Variants in TMEM117 observed in about 807,000 individuals in gnomAD.
The protein encoded by TMEM117 is transmembrane protein 117.
A neutral mutation model predicts 52.4 loss-of-function variants in TMEM117; 27 were observed. That is an observed-to-expected ratio of 0.51 (90% CI 0.38 to 0.71). The LOEUF is 0.71. Ranked by LOEUF, TMEM117 falls within the 30% of genes least tolerant of loss-of-function variation. The probability of loss-of-function intolerance (pLI) is 0.00; values close to 1 mark genes in which losing one functional copy is unlikely to be tolerated. For missense variants in TMEM117, 556 were observed against 630.5 expected, an observed-to-expected ratio of 0.88 and a Z score of 1.26; for synonymous variants, 215 against 206.3, an observed-to-expected ratio of 1.04 and a Z score of -0.36.
At chr12:44,104,820 G>T (rs1021285839) in intron 3 of TMEM117, among the ~76,000 whole-genome samples, 3 of 151,902 alleles carry the variant, frequency 2.0e-5, no homozygotes, top group South Asian at 2.1e-4. Flanking sequence ...CTTGCTGTAT[G>T]GCTTCTGAGG....
chr12:44,239,890 A>G (rs1393204217), intron 5 of TMEM117, among the ~76,000 whole-genome samples: 1 of 152,042 alleles, frequency 6.6e-6, no homozygotes, highest in Non-Finnish European at 1.5e-5. Context: ...TTTTTTTTAA[A>G]TTTCAGTTGT....
At chr12:44,135,401 G>T (rs1948475435) in intron 3 of TMEM117, among the ~76,000 whole-genome samples, 1 of 152,104 alleles carries the variant, frequency 6.6e-6, no homozygotes, top group South Asian at 2.1e-4. Flanking sequence ...GTAATTATTT[G>T]TTTAATGAAT....
chr12:44,232,705 T>A (rs966453035), intron 5 of TMEM117, among the ~76,000 whole-genome samples: 1 of 151,462 alleles, frequency 6.6e-6, no homozygotes, highest in Non-Finnish European at 1.5e-5. Flanking sequence ...ATTTTAAGAA[T>A]TATGAACCTT....
At position 44,313,267 on chromosome 12, in the gene TMEM117, T is replaced by C. The variant is rs1381007391; in HGVS notation, c.768+13528T>C. Among the ~76,000 whole-genome samples the C allele has an allele frequency of 2.0e-5, 3 of 152,184 alleles. No homozygotes were observed. The East Asian group carries it at 5.8e-4, about 29-fold the overall frequency. On this transcript the variant is annotated intron_variant, in intron 6 of 7. Transcript: ENST00000266534. The stretch of plus-strand genomic sequence containing the variant: ...TTTTACATTTAAATCTTTAATCCCA[T>C]CTTGAGTTAGTTTTTCTATATGGTG...
chr12:43,810,706 G>A, the TMEM117 span, among the ~76,000 whole-genome samples: 1 of 152,222 alleles, frequency 6.6e-6, no homozygotes. Flanking sequence ...GAGAGTTAAA[G>A]CTCCTTCACT....
chr12:44,327,611 A>G (rs566699150), intron 6 of TMEM117, among the ~76,000 whole-genome samples: 178 of 152,340 alleles, frequency 1.2e-3, no homozygotes, highest in Non-Finnish European at 2.0e-3. Context: ...AACATTTTAT[A>G]TATTTTAACA....
chr12:43,852,916 A>G (rs73096951), intron 2 of TMEM117, among the ~76,000 whole-genome samples: 2 of 152,308 alleles, frequency 1.3e-5, no homozygotes, highest in Non-Finnish European at 2.9e-5. Flanking sequence ...TCAGTCTCTC[A>G]ACAAGAATGA....
intron 4 of TMEM117, among the ~76,000 whole-genome samples, chr12:44,205,463 A>T (rs1426153565): frequency 6.6e-6 from 1 of 152,220 alleles, no homozygotes; most frequent in African/African-American, 2.4e-5. Context: ...GTGAGAACAG[A>T]TGAATACACT....
chr12:44,034,145 G>A (rs1031113420), intron 3 of TMEM117, among the ~76,000 whole-genome samples: 1 of 152,096 alleles, frequency 6.6e-6, no homozygotes, highest in African/African-American at 2.4e-5. Flanking sequence ...TCTTTCTTAG[G>A]CAACAGGTTA....
chr12:43,948,856 G>A (rs1050777520), intron 3 of TMEM117, among the ~76,000 whole-genome samples: 1 of 152,166 alleles, frequency 6.6e-6, no homozygotes, highest in African/African-American at 2.4e-5. Flanking sequence ...GGACAAAAAT[G>A]CAGAAGGATC....
intron 4 of TMEM117, among the ~76,000 whole-genome samples, chr12:44,170,089 A>G (rs1239144673): frequency 1.3e-5 from 2 of 152,116 alleles, no homozygotes; most frequent in Non-Finnish European, 1.5e-5. Context: ...TGTGGCACAT[A>G]TACACCATAG....
At chr12:44,074,064 C>A (rs962095122) in intron 3 of TMEM117, among the ~76,000 whole-genome samples, 2 of 152,106 alleles carry the variant, frequency 1.3e-5, no homozygotes, top group African/African-American at 4.8e-5. Context: ...TTTTAATCAA[C>A]CTTTGTTAAT....
intron 3 of TMEM117, among the ~76,000 whole-genome samples, chr12:44,000,352 C>T (rs1418702375): frequency 6.6e-6 from 1 of 152,158 alleles, no homozygotes; most frequent in African/African-American, 2.4e-5. Context: ...CCACTATTCC[C>T]GGGGCAGTCT....
chr12:44,301,455 G>A (rs1003954314), intron 6 of TMEM117, among the ~76,000 whole-genome samples: 1 of 152,106 alleles, frequency 6.6e-6, no homozygotes, highest in Non-Finnish European at 1.5e-5. Context: ...AGTAGTCAGA[G>A]CACCAAATGA....
intron 3 of TMEM117, among the ~76,000 whole-genome samples, chr12:44,094,239 C>G (rs965710783): frequency 6.6e-6 from 1 of 152,096 alleles, no homozygotes; most frequent in Non-Finnish European, 1.5e-5. Flanking sequence ...GAATATAGAT[C>G]ATAGTAAGTC....
chr12:43,800,377 G>A, the TMEM117 span: 2 of 1,265,112 alleles, frequency 1.6e-6, no homozygotes, highest in Non-Finnish European at 2.3e-6. Context: ...CATTACCTAG[G>A]AGTTCCTCTT....
At chr12:44,396,470 T>TGG in the TMEM117 span, among the ~76,000 whole-genome samples, 1,235 of 151,918 alleles carry the variant, frequency 8.1e-3, 14 homozygotes, top group African/African-American at 0.029. Flanking sequence ...TGACTTGGTG[T>TGG]GGGGGGGAGG....
chr12:43,816,486 A>G, the TMEM117 span, among the ~76,000 whole-genome samples: 3 of 150,706 alleles, frequency 2.0e-5, no homozygotes, highest in Non-Finnish European at 4.4e-5. Context: ...AAGATTACTC[A>G]CCTCCTATCC....
intron 5 of TMEM117, among the ~76,000 whole-genome samples, chr12:44,257,682 G>T (rs1950275541): frequency 6.6e-6 from 1 of 151,972 alleles, no homozygotes; most frequent in South Asian, 2.1e-4. Flanking sequence ...CTCCAACATA[G>T]ATCCCACTTG....
Sources: gnomAD v4.1 joint callset for allele counts (sites outside exome capture counted in the v4.1 genomes callset) on GRCh38, gnomAD v4.1.1 for gene constraint, MANE v1.5 for transcripts, NCBI Gene and HGNC (gene_info 2026-07-23, HGNC 2026-07-21) for gene names.